ACSL6: variants seen among roughly 807,000 people sequenced by gnomAD.
ACSL6 encodes the protein acyl-CoA synthetase long chain family member 6, also known as long-chain-fatty-acid--CoA ligase 6.
Under a neutral mutation model 98.2 loss-of-function variants are expected in ACSL6, and 47 were observed. That is an observed-to-expected ratio of 0.48 (90% CI 0.38 to 0.61). ACSL6 has a LOEUF of 0.61. Ranked by LOEUF, ACSL6 falls within the 20% of genes least tolerant of loss-of-function variation. ACSL6 has a pLI of 0.00. For missense variants in ACSL6, 761 were observed against 913.4 expected, an observed-to-expected ratio of 0.83 and a Z score of 2.15; for synonymous variants, 362 against 336.9, an observed-to-expected ratio of 1.07 and a Z score of -0.82.
intron 10 of ACSL6, 110 bp from the exon 11 acceptor site, chr5:131,975,080 AG>A: frequency 1.5e-6 from 2 of 1,320,246 alleles, no homozygotes; most frequent in Non-Finnish European, 2.0e-6. Context: ...AAACAGGAAG[AG>A]GGGGAGGGGA....
In ACSL6 at chr5:131,950,935, A is replaced by T. The variant is rs186303217; in HGVS notation, c.*3299T>A. ...TAAATGAAGGAGACATAAAATGTTTAATCCTTGGATTTCTGAGTTTATGAG... is the reference window on the plus strand; with the variant it reads ...TAAATGAAGGAGACATAAAATGTTTTATCCTTGGATTTCTGAGTTTATGAG... On this transcript the variant is annotated 3_prime_UTR_variant, in exon 21 of 21. Transcript: ENST00000651883. 156 of 191,908 alleles carry T rather than the reference A, an allele frequency of 8.1e-4. 1 individual carries two copies. Among genetic ancestry groups the T allele is most frequent in the Middle Eastern group, 1.9e-3 (1 of 530 alleles). 11.9% of individuals were successfully genotyped at this position (191,908 alleles called of 1,614,324 possible). A position where few individuals can be genotyped will look rare whatever the true frequency, so the allele number is the denominator to read the frequency against.
At chr5:131,963,525 A>G (rs955749351) in intron 17 of ACSL6, among the ~76,000 whole-genome samples, 1 of 152,152 alleles carries the variant, frequency 6.6e-6, no homozygotes, top group Non-Finnish European at 1.5e-5. Context: ...GTCTCAGAGG[A>G]TGTAACATGC....
chr5:132,011,321 C>T lies in ACSL6; in HGVS notation c.49+184G>A, dbSNP rs1179606418. On this transcript the variant is annotated intron_variant, in intron 1 of 20. Transcript: ENST00000651883. This position sits in a 1 kb window ranked among gnomAD's most constrained non-coding sequence, Gnocchi z 5.4. ...GACCCAGGTGCTCCCCAAACCCGGC[C>T]CGGAGCCCGCGAGAACTGGGGGCGG... 2 of 669,874 alleles carry T rather than the reference C, an allele frequency of 3.0e-6. No homozygotes were observed. Among genetic ancestry groups the T allele is most frequent in the Non-Finnish European group, 2.6e-6 (1 of 384,100 alleles). The allele number at this position is 669,874 out of a possible 1,614,324, so 41.5% of individuals were successfully genotyped here.
intron 15 of ACSL6, among the ~76,000 whole-genome samples, chr5:131,968,902 T>C (rs1317455916): frequency 6.6e-6 from 1 of 152,174 alleles, no homozygotes; most frequent in Non-Finnish European, 1.5e-5. Flanking sequence ...TTTTCAAGTT[T>C]TATGCTAAGA....
At chr5:131,993,125 C>G (rs564295457) in intron 2 of ACSL6, 7 of 152,518 alleles carry the variant, frequency 4.6e-5, no homozygotes, top group African/African-American at 1.7e-4. Flanking sequence ...TCAGCACACA[C>G]CTGCACCTTT....
chr5:131,985,666 C>A (rs1387854137), intron 8 of ACSL6, among the ~76,000 whole-genome samples: 1 of 152,194 alleles, frequency 6.6e-6, no homozygotes, highest in Non-Finnish European at 1.5e-5. Flanking sequence ...GCTGAGGAAA[C>A]CTAACTGGGG....
intron 1 of ACSL6, among the ~76,000 whole-genome samples, chr5:132,001,032 T>C (rs1227009035): frequency 6.6e-6 from 1 of 152,118 alleles, no homozygotes; most frequent in Non-Finnish European, 1.5e-5. Context: ...CCGATTAAAA[T>C]GAACGAATAT....
intron 9 of ACSL6, among the ~76,000 whole-genome samples, chr5:131,978,011 G>C (rs558829109): frequency 1.3e-5 from 2 of 152,324 alleles, no homozygotes; most frequent in South Asian, 4.1e-4. Flanking sequence ...CCCCTAATGG[G>C]ATCACTTGAA....
intron 13 of ACSL6, among the ~76,000 whole-genome samples, chr5:131,972,015 C>T (rs564190056): frequency 6.6e-6 from 1 of 152,200 alleles, no homozygotes; most frequent in Non-Finnish European, 1.5e-5. Context: ...AGGACAATTT[C>T]TTCCAATTTC....
rs1049385914 is a variant in ACSL6 at position 131,952,750 on chromosome 5, G to T, written c.*1484C>A. 2 of 217,760 alleles carry T rather than the reference G, an allele frequency of 9.2e-6. No individual in the cohort carries two copies. Among genetic ancestry groups the T allele is most frequent in the African/African-American group, 2.3e-5 (1 of 44,430 alleles). The allele number at this position is 217,760 out of a possible 1,614,324, so 13.5% of individuals were successfully genotyped here. On this transcript the variant is annotated 3_prime_UTR_variant, in exon 21 of 21. Transcript: ENST00000651883. ...TCTAAATACATAATGCAAGAAAGGAGGTTTTAGTGGTTAAACTTCGGCACG... is the reference window on the plus strand; with the variant it reads ...TCTAAATACATAATGCAAGAAAGGATGTTTTAGTGGTTAAACTTCGGCACG...
chr5:132,011,485 C>T lies in ACSL6; in HGVS notation c.49+20G>A. On this transcript the variant is annotated intron_variant, in intron 1 of 20. Coordinates refer to ENST00000651883, the MANE Select transcript of ACSL6 (RefSeq NM_001009185.3). This position sits in a 1 kb window ranked among gnomAD's most constrained non-coding sequence, Gnocchi z 5.4. The stretch of plus-strand genomic sequence containing the variant: ...CTGCGGGAGATGGGAGTCCGGGACG[C>T]GGACAGGACGGGCACTTACCTACGA... The T allele has an allele frequency of 1.9e-6, 3 of 1,608,886 alleles. No homozygotes were observed. The highest frequency in any genetic ancestry group is 1.1e-5 in the South Asian group (1 of 90,918).
At position 132,006,472 on chromosome 5, in the gene ACSL6, T is replaced by C. The variant is rs148574580; in HGVS notation, c.49+5033A>G. 711 of 152,358 alleles carry C rather than the reference T, an allele frequency of 4.7e-3. 5 individuals carry two copies. Among genetic ancestry groups the C allele is most frequent in the African/African-American group, 8.4e-3 (348 of 41,558 alleles). 9.4% of individuals were successfully genotyped at this position (152,358 alleles called of 1,614,324 possible). ...AACCCCAAGGGCTCAAAGCAGCATC[T>C]CATCCACAGCACTCCCCTAACCCCA... On this transcript the variant is annotated intron_variant, in intron 1 of 20. Transcript: ENST00000651883.
chr5:131,956,063 G>A (rs922793186), intron 20 of ACSL6, among the ~76,000 whole-genome samples: 2 of 152,034 alleles, frequency 1.3e-5, no homozygotes, highest in African/African-American at 2.4e-5. Context: ...CCTGGGTTTC[G>A]GCTTGTCTGC....
chr5:132,002,360 C>A (rs1438502780), intron 1 of ACSL6, among the ~76,000 whole-genome samples: 1 of 152,202 alleles, frequency 6.6e-6, no homozygotes, highest in Non-Finnish European at 1.5e-5. Context: ...AAGCTTGAAC[C>A]AGTAAAGGGC....
Position 131,971,184 on chromosome 5 carries a change from C to A in ACSL6, c.1434+366G>T, listed in dbSNP as rs571970987. ...ATAAATGGGCTTTCTCCCTTGTTCTCCTTTTCTGGGTTGCAAGATATTTTG... is the reference window on the plus strand; with the variant it reads ...ATAAATGGGCTTTCTCCCTTGTTCTACTTTTCTGGGTTGCAAGATATTTTG... On this transcript the variant is annotated intron_variant, in intron 14 of 20. Coordinates refer to ENST00000651883, the MANE Select transcript of ACSL6 (RefSeq NM_001009185.3). 7.2e-5 allele frequency among the ~76,000 whole-genome samples: 11 copies of A among 152,300 alleles called. No individual in the cohort carries two copies. The South Asian group carries it at 2.3e-3, about 32-fold the overall frequency.
intron 17 of ACSL6, among the ~76,000 whole-genome samples, chr5:131,965,403 T>C (rs1752964139): frequency 6.6e-6 from 1 of 152,238 alleles, no homozygotes; most frequent in South Asian, 2.1e-4. Flanking sequence ...TATTTTTCTT[T>C]CTTTTATTAA....
In ACSL6 at chr5:131,985,457, G is replaced by T. The variant is rs778428507; in HGVS notation, c.866C>A (p.Pro289His). 12 of 1,613,892 alleles carry T rather than the reference G, an allele frequency of 7.4e-6. No homozygotes were observed. In the South Asian group the frequency reaches 1.3e-4, roughly 18 times the overall value. ...AATGGAGAGGTCATCAGGCTGCGGG[G>T]GCTGCAGGGGTGAGAAGAGGAGTGT... ...CGQENHQAPV[P>H]PQPDDLSIVC... Residue 289 changes from proline (P) to histidine (H), a missense_variant and splice_region_variant, in exon 9 of 21, where the codon CCC becomes CAC. Coordinates refer to ENST00000651883, the MANE Select transcript of ACSL6 (RefSeq NM_001009185.3).
intron 9 of ACSL6, 55 bp downstream of exon 9, chr5:131,985,352 C>A: frequency 1.2e-6 from 2 of 1,608,652 alleles, no homozygotes; most frequent in Non-Finnish European, 1.7e-6. Flanking sequence ...ACCTGCTAGG[C>A]CACCAGGGAA....
chr5:131,975,654 G>A, intron 10 of ACSL6: 1 of 985,248 alleles, frequency 1.0e-6, no homozygotes, highest in Non-Finnish European at 1.2e-6. Flanking sequence ...GCCCTGCTGT[G>A]CCCCGCCAGC....
Sources: allele counts gnomAD v4.1 joint callset (sites outside exome capture counted in the v4.1 genomes callset), GRCh38; gene constraint gnomAD v4.1.1; non-coding constraint Gnocchi (gnomAD v3.1); transcripts MANE v1.5; gene names NCBI Gene and HGNC (gene_info 2026-07-23, HGNC 2026-07-21).